Variants in AGAP1 observed in about 807,000 individuals in gnomAD.
AGAP1 encodes ArfGAP with GTPase domain, ankyrin repeat and PH domain 1, also known as arf-GAP with GTPase, ANK repeat and PH domain-containing protein 1.
In AGAP1, 29 loss-of-function variants were observed where a neutral mutation model predicts 105.3. The observed-to-expected ratio is 0.28, with a 90% CI of 0.21 to 0.38. The LOEUF (loss-of-function observed/expected upper bound fraction) is 0.38. Ranked by LOEUF, AGAP1 falls within the 10% of genes least tolerant of loss-of-function variation. The pLI is 1.00. For missense variants in AGAP1, 998 were observed against 1,165.1 expected (o/e 0.86, Z 2.09); for synonymous variants, 509 against 485.9 (o/e 1.05, Z -0.63).
At chr2:235,709,817 C>G (rs529781609) in intron 2 of AGAP1, among the ~76,000 whole-genome samples, 1 of 152,306 alleles carries the variant, frequency 6.6e-6, no homozygotes, top group African/African-American at 2.4e-5. Flanking sequence ...TCCATCGCAG[C>G]CACCCTTTCC....
Position 235,882,292 on chromosome 2 carries a change from G to C in AGAP1, c.1051-1053G>C, listed in dbSNP as rs1389817993. On this transcript the variant is annotated intron_variant, in intron 9 of 17. Coordinates refer to ENST00000304032, the MANE Select transcript of AGAP1 (RefSeq NM_001037131.3). The surrounding 1 kb of genome is among the most constrained non-coding windows in gnomAD (Gnocchi z 4.6). ...GCAGCTTGTGGCTCGTGTCCATCTT[G>C]CAGGTCGCTCTTCCTCCACATCACA... The C allele has an allele frequency of 3.3e-6, 2 of 612,530 alleles. No individual in the cohort carries two copies. Among genetic ancestry groups the C allele is most frequent in the African/African-American group, 3.8e-5 (2 of 53,280 alleles). 37.9% of individuals were successfully genotyped at this position (612,530 alleles called of 1,614,324 possible).
chr2:235,619,794 G>A (rs948523850), intron 1 of AGAP1, among the ~76,000 whole-genome samples: 1 of 152,226 alleles, frequency 6.6e-6, no homozygotes, highest in Non-Finnish European at 1.5e-5. Context: ...AGCAGCTCAA[G>A]TGTCTACCTC....
chr2:235,998,437 A>G (rs1308039777), intron 13 of AGAP1, among the ~76,000 whole-genome samples: 1 of 152,174 alleles, frequency 6.6e-6, no homozygotes, highest in South Asian at 2.1e-4. Flanking sequence ...GGGTCCCTCT[A>G]ACTGAGCCCC....
Position 235,919,025 on chromosome 2 carries a change from T to TC in AGAP1, c.1324+10120dup, listed in dbSNP as rs1297486903. On this transcript the variant is annotated intron_variant, in intron 11 of 17. Coordinates refer to ENST00000304032, the MANE Select transcript of AGAP1 (RefSeq NM_001037131.3). The surrounding 1 kb of genome is among the most constrained non-coding windows in gnomAD (Gnocchi z 4.1). ...TAAAAGGTGCTTCAAACACTTTTTT[T>TC]CTCTCAAAAATGTGTGTGGGCAGGG... is the stretch of plus-strand genomic sequence containing the variant. Among the ~76,000 whole-genome samples, 3 of 152,182 alleles carry TC rather than the reference T, an allele frequency of 2.0e-5. No individual in the cohort carries two copies. Among genetic ancestry groups the TC allele is most frequent in the African/African-American group, 7.2e-5 (3 of 41,458 alleles).
intron 1 of AGAP1, among the ~76,000 whole-genome samples, chr2:235,628,533 G>C (rs1946715902): frequency 1.3e-5 from 2 of 152,140 alleles, no homozygotes; most frequent in African/African-American, 4.8e-5. Context: ...CCCGGTTCTG[G>C]AAGAGCCCAG....
chr2:236,071,511 C>T (rs928704310), intron 16 of AGAP1, among the ~76,000 whole-genome samples: 8 of 152,174 alleles, frequency 5.3e-5, no homozygotes, highest in Non-Finnish European at 7.3e-5. Flanking sequence ...CTCCCAGAAC[C>T]ACACTGGGGC....
intron 16 of AGAP1, among the ~76,000 whole-genome samples, chr2:236,067,935 A>G (rs2058389484): frequency 6.6e-6 from 1 of 152,178 alleles, no homozygotes; most frequent in African/African-American, 2.4e-5. Flanking sequence ...AAAGAGAAGG[A>G]CATGTTGTGT....
chr2:235,711,991 A>G (rs554221483), intron 2 of AGAP1, among the ~76,000 whole-genome samples: 1 of 152,186 alleles, frequency 6.6e-6, no homozygotes, highest in Non-Finnish European at 1.5e-5. Flanking sequence ...TTTCTTCTCA[A>G]GAGTGGTAGT....
At chr2:235,834,719 A>G (rs1323727568) in intron 9 of AGAP1, among the ~76,000 whole-genome samples, 3 of 152,188 alleles carry the variant, frequency 2.0e-5, no homozygotes, top group Non-Finnish European at 4.4e-5. Context: ...TGCCATTTAA[A>G]TAAAAGGTCA....
chr2:235,731,900 A>G (rs1951970248), intron 3 of AGAP1, among the ~76,000 whole-genome samples: 1 of 152,084 alleles, frequency 6.6e-6, no homozygotes, highest in Non-Finnish European at 1.5e-5. Context: ...CTCTCCTACA[A>G]CCTGAGCCAA....
intron 8 of AGAP1, among the ~76,000 whole-genome samples, chr2:235,800,695 A>G (rs1341397039): frequency 2.0e-5 from 3 of 152,224 alleles, no homozygotes; most frequent in South Asian, 2.1e-4. Context: ...ACATTTGGCA[A>G]CTTCTGGAGA....
intron 1 of AGAP1, among the ~76,000 whole-genome samples, chr2:235,533,623 TTATTC>T (rs1395039836): frequency 6.6e-6 from 1 of 152,196 alleles, no homozygotes; most frequent in Non-Finnish European, 1.5e-5. Context: ...CAGGCAGGCT[TTATTC>T]TATTTTTTTG....
chr2:236,062,444 T>TGTG lies in AGAP1; in HGVS notation c.2114+13165_2114+13166insGGT, dbSNP rs1210432709. On this transcript the variant is annotated intron_variant, in intron 16 of 17. Transcript: ENST00000304032. The surrounding 1 kb of genome is among the most constrained non-coding windows in gnomAD (Gnocchi z 4.2). ...ATACTCAGGACTCGTATTTTGTTGT[T>TGTG]GTTGTTGTTGTTGTTGTTACTTTTC... Among the ~76,000 whole-genome samples, 4 of 149,558 alleles carry TGTG rather than the reference T, an allele frequency of 2.7e-5. No homozygotes were observed. Among genetic ancestry groups the TGTG allele is most frequent in the African/African-American group, 9.9e-5 (4 of 40,422 alleles).
chr2:235,556,521 G>A lies in AGAP1; in HGVS notation c.163+61672G>A, dbSNP rs546395468. On this transcript the variant is annotated intron_variant, in intron 1 of 17. Coordinates refer to ENST00000304032, the MANE Select transcript of AGAP1 (RefSeq NM_001037131.3). This position sits in a 1 kb window ranked among gnomAD's most constrained non-coding sequence, Gnocchi z 5.3. ...AGCAGAGGGCCATGAGTGCCTAACC[G>A]TTTACCTGTTTTCTGCTCTGACCAG... Among the ~76,000 whole-genome samples the A allele has an allele frequency of 2.2e-4, 33 of 152,292 alleles. No individual in the cohort carries two copies. Among genetic ancestry groups the A allele is most frequent in the African/African-American group, 7.2e-4 (30 of 41,570 alleles).
rs1245580238 is a variant in AGAP1 at position 235,930,200 on chromosome 2, C to A, written c.1325-565C>A. Among the ~76,000 whole-genome samples, 1 of 151,312 alleles carries A rather than the reference C, an allele frequency of 6.6e-6. No homozygotes were observed. The highest frequency in any genetic ancestry group is 1.5e-5 in the Non-Finnish European group (1 of 67,390). The stretch of plus-strand genomic sequence containing the variant: ...GCAGGTTGTTTTTCCTCTGCTTAGT[C>A]TTTTCAAGGTTAAGAGTAAACTTAT... On this transcript the variant is annotated intron_variant, in intron 11 of 17. Coordinates refer to ENST00000304032, the MANE Select transcript of AGAP1 (RefSeq NM_001037131.3). The surrounding 1 kb of genome is among the most constrained non-coding windows in gnomAD (Gnocchi z 7.9).
At position 235,609,746 on chromosome 2, in the gene AGAP1, A is replaced by G. The variant is rs1946065875; in HGVS notation, c.164-99433A>G. Among the ~76,000 whole-genome samples, 1 of 152,110 alleles carries G rather than the reference A, an allele frequency of 6.6e-6. No individual in the cohort carries two copies. The highest frequency in any genetic ancestry group is 6.5e-5 in the Admixed American group (1 of 15,270). On this transcript the variant is annotated intron_variant, in intron 1 of 17. Coordinates refer to ENST00000304032, the MANE Select transcript of AGAP1 (RefSeq NM_001037131.3). The surrounding 1 kb of genome is among the most constrained non-coding windows in gnomAD (Gnocchi z 5.1). Reference sequence around the variant, plus strand: ...TGTTTGCTGTTGTATGCTGTGGCTCAGAAGTTATGTGGCCACTTTCACTCC... The same window carrying G: ...TGTTTGCTGTTGTATGCTGTGGCTCGGAAGTTATGTGGCCACTTTCACTCC...
chr2:235,911,642 G>A (rs1377927866), intron 11 of AGAP1, among the ~76,000 whole-genome samples: 1 of 152,220 alleles, frequency 6.6e-6, no homozygotes, highest in Non-Finnish European at 1.5e-5. Context: ...GTCGGCTGTG[G>A]CATGGGCCTT....
chr2:235,813,073 C>T (rs1475476127), intron 9 of AGAP1, among the ~76,000 whole-genome samples: 1 of 152,178 alleles, frequency 6.6e-6, no homozygotes, highest in African/African-American at 2.4e-5. Context: ...TTTGACTCCT[C>T]AAATCTCATA....
In AGAP1 at chr2:235,719,538, A is replaced by T. The variant is rs987669814; in HGVS notation, c.310+1894A>T. The stretch of plus-strand genomic sequence containing the variant: ...TCCCTGCTTCTTTGATTTTTCAAGT[A>T]ATGCATTTTACTGCACTGAAATTTC... On this transcript the variant is annotated intron_variant, in intron 3 of 17. Transcript: ENST00000304032. This position sits in a 1 kb window ranked among gnomAD's most constrained non-coding sequence, Gnocchi z 4.9. 6.6e-6 allele frequency among the ~76,000 whole-genome samples: 1 copy of T among 152,206 alleles called. No individual in the cohort carries two copies. Among genetic ancestry groups the T allele is most frequent in the Admixed American group, 6.5e-5 (1 of 15,288 alleles).
Sources: allele counts gnomAD v4.1 joint callset (sites outside exome capture counted in the v4.1 genomes callset), GRCh38; gene constraint gnomAD v4.1.1; non-coding constraint Gnocchi (gnomAD v3.1); transcripts MANE v1.5; gene names NCBI Gene and HGNC (gene_info 2026-07-23, HGNC 2026-07-21).